The following TNIP3 variants were observed in gnomAD, a reference collection of about 807,000 sequenced individuals.
TNIP3 encodes the protein TNFAIP3 interacting protein 3, also known as TNFAIP3-interacting protein 3.
A neutral mutation model predicts 54.1 loss-of-function variants in TNIP3; 34 were observed. The ratio of observed to expected loss-of-function variants is 0.63; its 90% CI spans 0.48 to 0.84. The LOEUF (loss-of-function observed/expected upper bound fraction) is 0.84, where lower values mean the gene tolerates loss of function less well. Among genes scored for constraint, TNIP3 ranks in the 40% least tolerant of loss-of-function variants. TNIP3 has a pLI of 0.00. For missense variants in TNIP3, 366 were observed against 387.6 expected (o/e 0.94, Z 0.47); for synonymous variants, 134 against 136.8 (o/e 0.98, Z 0.14).
At chr4:121,178,266 G>T (rs929075699) in intron 3 of TNIP3, among the ~76,000 whole-genome samples, 6 of 152,166 alleles carry the variant, frequency 3.9e-5, no homozygotes, top group African/African-American at 1.4e-4. Context: ...CTGTAGAGGG[G>T]TAAAGATGAA....
At chr4:121,186,228 G>A (rs552030091) in intron 2 of TNIP3, among the ~76,000 whole-genome samples, 1 of 152,118 alleles carries the variant, frequency 6.6e-6, no homozygotes, top group African/African-American at 2.4e-5. Context: ...GACCAGACGT[G>A]GGGGGGTTTG....
intron 2 of TNIP3, among the ~76,000 whole-genome samples, chr4:121,208,999 C>G (rs1451554036): frequency 4.6e-5 from 7 of 152,160 alleles, no homozygotes; most frequent in African/African-American, 1.4e-4. Flanking sequence ...GGGGAGGGAG[C>G]TGGACATTGG....
At chr4:121,140,075 C>G (rs1385798212) in intron 9 of TNIP3, among the ~76,000 whole-genome samples, 1 of 152,164 alleles carries the variant, frequency 6.6e-6, no homozygotes, top group African/African-American at 2.4e-5. Flanking sequence ...GTGGCTCATG[C>G]CTGTAATCTC....
At chr4:121,202,101 A>G (rs1304196723) in intron 2 of TNIP3, among the ~76,000 whole-genome samples, 1 of 152,178 alleles carries the variant, frequency 6.6e-6, no homozygotes, top group Non-Finnish European at 1.5e-5. Flanking sequence ...CACACAGCCA[A>G]AGTAAAACTA....
In TNIP3 at chr4:121,216,356, G is replaced by A; in HGVS notation, c.68+59C>T. 5 of 1,367,166 alleles carry A rather than the reference G, an allele frequency of 3.7e-6. No homozygotes were observed. The South Asian group carries it at 5.0e-5, about 14-fold the overall frequency. 84.7% of individuals were successfully genotyped at this position (1,367,166 alleles called of 1,614,324 possible). On this transcript the variant is annotated intron_variant, in intron 2 of 12. Coordinates refer to the TNIP3 transcript ENST00000507879. ...ACACTATCATTGCCACAAAGCAGAA[G>A]TGCTCTAATTAGAATATTAGTATTA...
chr4:121,184,920 A>T lies in TNIP3; in HGVS notation c.69-2124T>A, dbSNP rs1177099258. Among the ~76,000 whole-genome samples the T allele has an allele frequency of 2.6e-5, 4 of 152,212 alleles. No individual in the cohort carries two copies. The East Asian group carries it at 5.8e-4, about 22-fold the overall frequency. ...AGGAAAGTCACAAAATTTGTTTAGT[A>T]ACTGCCTTAAATCCTTCAGGTTAAT... On this transcript the variant is annotated intron_variant, in intron 2 of 12. Transcript: ENST00000507879.
intron 9 of TNIP3, among the ~76,000 whole-genome samples, chr4:121,140,366 A>T (rs753484729): frequency 1.3e-5 from 2 of 152,090 alleles, no homozygotes; most frequent in Non-Finnish European, 2.9e-5. Context: ...AAGAAAGAAA[A>T]TGTAGGCCAT....
chr4:121,166,628 C>A (rs1031395473), upstream of TNIP3, among the ~76,000 whole-genome samples: 1 of 152,168 alleles, frequency 6.6e-6, no homozygotes, highest in East Asian at 1.9e-4. Flanking sequence ...GGTAAAGGAA[C>A]AAGGACTACC....
intron 2 of TNIP3, among the ~76,000 whole-genome samples, chr4:121,211,518 T>G (rs984901362): frequency 6.6e-6 from 1 of 152,182 alleles, no homozygotes; most frequent in African/African-American, 2.4e-5. Context: ...TTTTCCAAAC[T>G]CTAGTCTCTT....
At chr4:121,175,597 T>C (rs1724268576) in intron 3 of TNIP3, among the ~76,000 whole-genome samples, 1 of 152,216 alleles carries the variant, frequency 6.6e-6, no homozygotes, top group South Asian at 2.1e-4. Context: ...ATCTCCCAGT[T>C]TTCTGTAACT....
At chr4:121,195,172 A>G (rs908740404) in intron 2 of TNIP3, among the ~76,000 whole-genome samples, 3 of 150,408 alleles carry the variant, frequency 2.0e-5, no homozygotes, top group Non-Finnish European at 4.4e-5. Context: ...ACAAAACAAA[A>G]CAAAAAAAAA....
At chr4:121,189,060 AAC>A (rs966778876) in intron 2 of TNIP3, among the ~76,000 whole-genome samples, 7 of 152,200 alleles carry the variant, frequency 4.6e-5, no homozygotes, top group African/African-American at 1.2e-4. Context: ...CAATAGGAAA[AAC>A]ACATAACCAC....
intron 2 of TNIP3, among the ~76,000 whole-genome samples, chr4:121,215,919 A>C (rs1418745392): frequency 6.6e-6 from 1 of 151,964 alleles, no homozygotes; most frequent in African/African-American, 2.4e-5. Flanking sequence ...CAACGAATAG[A>C]AGGAGGCTTT....
chr4:121,194,590 C>T (rs1395824429), intron 2 of TNIP3, among the ~76,000 whole-genome samples: 1 of 152,004 alleles, frequency 6.6e-6, no homozygotes, highest in Non-Finnish European at 1.5e-5. Context: ...CATATTACTG[C>T]GATGGCGTAT....
chr4:121,198,698 G>A (rs1725728309), intron 2 of TNIP3, among the ~76,000 whole-genome samples: 1 of 152,104 alleles, frequency 6.6e-6, no homozygotes, highest in East Asian at 1.9e-4. Context: ...TCTAGTGAAG[G>A]CCAACTCAAC....
chr4:121,223,664 A>T (rs1443530590), intron 1 of TNIP3, among the ~76,000 whole-genome samples: 1 of 152,200 alleles, frequency 6.6e-6, no homozygotes, highest in Non-Finnish European at 1.5e-5. Context: ...GCTTTATGAG[A>T]TTCAGAGCAT....
At chr4:121,158,380 T>C (rs902111600) in intron 3 of TNIP3, among the ~76,000 whole-genome samples, 3 of 152,214 alleles carry the variant, frequency 2.0e-5, no homozygotes, top group Admixed American at 6.5e-5. Flanking sequence ...TATTTGTGGC[T>C]TCTAGTGACA....
At chr4:121,158,774 G>C (rs770488851) in intron 2 of TNIP3, 22 bp from the exon 3 acceptor site, 1 of 1,594,006 alleles carries the variant, frequency 6.3e-7, no homozygotes, top group African/African-American at 1.4e-5. Flanking sequence ...AAAATTTGGT[G>C]AATCAACAAA....
intron 10 of TNIP3, among the ~76,000 whole-genome samples, chr4:121,134,132 CT>C (rs1728638732): frequency 6.6e-6 from 1 of 152,108 alleles, no homozygotes; most frequent in Admixed American, 6.6e-5. Context: ...AATATTTAGG[CT>C]TTGATCTTCT....
Sources: allele counts gnomAD v4.1 joint callset (sites outside exome capture counted in the v4.1 genomes callset), GRCh38; gene constraint gnomAD v4.1.1; transcripts MANE v1.5; gene names NCBI Gene and HGNC (gene_info 2026-07-23, HGNC 2026-07-21).